The following ULK4 variants were observed in gnomAD, a reference collection of about 807,000 sequenced individuals.
ULK4 encodes the protein unc-51 like kinase 4.
ULK4 carries 133 observed loss-of-function variants against 160.6 expected under a neutral mutation model. The observed-to-expected ratio is 0.83, with a 90% confidence interval of 0.72 to 0.96. The LOEUF is 0.96. Among genes scored for constraint, ULK4 ranks in the 40% least tolerant of loss-of-function variants. ULK4 has a pLI of 0.00. For synonymous variants in ULK4, 534 were observed against 539.8 expected (o/e 0.99, Z 0.15); for missense variants, 1,580 against 1,499.5 (o/e 1.05, Z -0.89).
At chr3:41,821,765 G>C (rs974130548) in intron 18 of ULK4, among the ~76,000 whole-genome samples, 18 of 152,072 alleles carry the variant, frequency 1.2e-4, no homozygotes, top group African/African-American at 4.1e-4. Flanking sequence ...GACTTTCTCA[G>C]TTTCCTCACC....
At chr3:41,747,129 C>T (rs1419254392) in intron 22 of ULK4, among the ~76,000 whole-genome samples, 1 of 151,692 alleles carries the variant, frequency 6.6e-6, no homozygotes, top group East Asian at 1.9e-4. Context: ...AAAATACACA[C>T]CATTAAAGGA....
At chr3:41,728,963 T>C (rs971695608) in intron 22 of ULK4, among the ~76,000 whole-genome samples, 2 of 152,068 alleles carry the variant, frequency 1.3e-5, no homozygotes, top group African/African-American at 4.8e-5. Flanking sequence ...AAATAAGAAC[T>C]TGTAGTTTTA....
chr3:41,848,516 C>T (rs114878194), intron 17 of ULK4, among the ~76,000 whole-genome samples: 4,412 of 152,236 alleles, frequency 0.029, 209 homozygotes, highest in African/African-American at 0.1. Flanking sequence ...AAATACAAAA[C>T]CTGAAAGGGT....
intron 34 of ULK4, among the ~76,000 whole-genome samples, chr3:41,424,276 G>T (rs2082727926): frequency 6.6e-6 from 1 of 152,184 alleles, no homozygotes; most frequent in Non-Finnish European, 1.5e-5. Context: ...ATCTCCCTGG[G>T]ACTGAGCCCC....
chr3:41,583,782 T>C (rs535694945), intron 31 of ULK4, among the ~76,000 whole-genome samples: 1 of 152,344 alleles, frequency 6.6e-6, no homozygotes, highest in African/African-American at 2.4e-5. Flanking sequence ...TCTAACAGGA[T>C]GCTCTTGCAA....
chr3:41,478,821 A>G (rs2084220236), intron 32 of ULK4, among the ~76,000 whole-genome samples: 1 of 152,212 alleles, frequency 6.6e-6, no homozygotes, highest in Admixed American at 6.5e-5. Context: ...GTGGCTGGTA[A>G]TTTCATACTC....
chr3:41,260,382 T>C (rs1379479061), intron 35 of ULK4, among the ~76,000 whole-genome samples: 1 of 152,202 alleles, frequency 6.6e-6, no homozygotes, highest in Non-Finnish European at 1.5e-5. Context: ...AGCAAGTCCA[T>C]ATTAACACAT....
At chr3:41,430,905 G>A (rs1182804327) in intron 34 of ULK4, among the ~76,000 whole-genome samples, 1 of 152,140 alleles carries the variant, frequency 6.6e-6, no homozygotes, top group Non-Finnish European at 1.5e-5. Flanking sequence ...AATGAGGTTT[G>A]GGGGTGGGGG....
chr3:41,287,155 G>A (rs1156289323), intron 35 of ULK4, among the ~76,000 whole-genome samples: 1 of 152,174 alleles, frequency 6.6e-6, no homozygotes, highest in African/African-American at 2.4e-5. Context: ...AATGGAAAAT[G>A]GCAAGATCAG....
chr3:41,942,544 G>C (rs548744285), intron 2 of ULK4, among the ~76,000 whole-genome samples: 2 of 151,904 alleles, frequency 1.3e-5, no homozygotes, highest in African/African-American at 2.4e-5. Context: ...TAGGCCGGGC[G>C]CGGTGGCTCA....
chr3:41,534,145 T>G (rs539210814), intron 32 of ULK4, among the ~76,000 whole-genome samples: 1 of 152,326 alleles, frequency 6.6e-6, no homozygotes, highest in South Asian at 2.1e-4. Context: ...CAAACAATCC[T>G]TATAGTGATT....
intron 27 of ULK4, among the ~76,000 whole-genome samples, chr3:41,685,165 T>G (rs1347417313): frequency 2.6e-5 from 4 of 152,266 alleles, no homozygotes; most frequent in Non-Finnish European, 2.9e-5. Context: ...TTCCTTTCTC[T>G]GATCTACCTT....
chr3:41,886,297 G>T (rs1559629310), intron 16 of ULK4, among the ~76,000 whole-genome samples: 1 of 152,098 alleles, frequency 6.6e-6, no homozygotes, highest in African/African-American at 2.4e-5. Flanking sequence ...TTTATTATCT[G>T]TCTCCCCAAC....
intron 35 of ULK4, among the ~76,000 whole-genome samples, chr3:41,283,748 C>T (rs951916168): frequency 2.6e-5 from 4 of 151,780 alleles, no homozygotes; most frequent in Non-Finnish European, 2.9e-5. Context: ...ACCTATGGAA[C>T]AAACCTGCAC....
chr3:41,621,165 A>G (rs565040180), intron 30 of ULK4, among the ~76,000 whole-genome samples: 9 of 152,358 alleles, frequency 5.9e-5, no homozygotes, highest in Middle Eastern at 3.4e-3. Context: ...GGAAGAATCA[A>G]TATCATGAAA....
chr3:41,576,891 T>C (rs2088207776), intron 31 of ULK4, among the ~76,000 whole-genome samples: 1 of 152,228 alleles, frequency 6.6e-6, no homozygotes, highest in South Asian at 2.1e-4. Flanking sequence ...TGGGATTTTC[T>C]GTAAAAGATA....
intron 35 of ULK4, among the ~76,000 whole-genome samples, chr3:41,390,429 T>C (rs1415448316): frequency 6.6e-6 from 1 of 152,204 alleles, no homozygotes; most frequent in African/African-American, 2.4e-5. Flanking sequence ...TGTTTGCTCT[T>C]GCTTTTCCAG....
intron 17 of ULK4, among the ~76,000 whole-genome samples, chr3:41,877,905 C>T (rs1490942787): frequency 2.0e-5 from 3 of 151,710 alleles, no homozygotes; most frequent in South Asian, 2.1e-4. Context: ...CGCTTGAACC[C>T]GGGAGGCAGA....
chr3:41,557,758 C>CT (rs1195759634), intron 32 of ULK4, among the ~76,000 whole-genome samples: 4 of 151,908 alleles, frequency 2.6e-5, no homozygotes, highest in African/African-American at 9.7e-5. Flanking sequence ...CAAGGAGACT[C>CT]TGTCTCTAAA....
Sources: gnomAD v4.1 joint callset for allele counts (sites outside exome capture counted in the v4.1 genomes callset) on GRCh38, gnomAD v4.1.1 for gene constraint, MANE v1.5 for transcripts, NCBI Gene and HGNC (gene_info 2026-07-23, HGNC 2026-07-21) for gene names.